PSMF1: variants seen among roughly 807,000 people sequenced by gnomAD.
The protein encoded by PSMF1 is proteasome inhibitor subunit 1.
PSMF1 carries 30 observed loss-of-function variants against 29.3 expected under a neutral mutation model. The ratio of observed to expected loss-of-function variants is 1.02; its 90% CI spans 0.77 to 1.39. The LOEUF is 1.39. PSMF1 is among the 40% of genes most tolerant of loss of function. The probability of loss-of-function intolerance (pLI) is 0.00; values close to 1 mark genes in which losing one functional copy is unlikely to be tolerated. For missense variants in PSMF1, 344 were observed against 357.5 expected (o/e 0.96, Z 0.31); for synonymous variants, 134 against 139.7 (o/e 0.96, Z 0.29).
intron 4 of PSMF1, among the ~76,000 whole-genome samples, chr20:1,141,229 G>T (rs1358713985): frequency 6.6e-6 from 1 of 152,158 alleles, no homozygotes; most frequent in Non-Finnish European, 1.5e-5. Context: ...TCTTTTTGGG[G>T]TGAAGAAAAT....
chr20:1,149,973 C>T (rs1291790430), intron 4 of PSMF1, among the ~76,000 whole-genome samples: 1 of 147,722 alleles, frequency 6.8e-6, no homozygotes, highest in African/African-American at 2.6e-5. Flanking sequence ...TGTGGTGAGC[C>T]ATGATCACAC....
At chr20:1,144,019 C>T (rs2086416740) in intron 4 of PSMF1, among the ~76,000 whole-genome samples, 2 of 152,038 alleles carry the variant, frequency 1.3e-5, no homozygotes, top group South Asian at 2.1e-4. Flanking sequence ...ACCCGGGAGG[C>T]GGAGGTTGCA....
chr20:1,171,509 A>G lies in PSMF1; in HGVS notation c.*6429A>G, dbSNP rs1340133294. Among the ~76,000 whole-genome samples the G allele has an allele frequency of 1.3e-5, 2 of 152,212 alleles. No individual in the cohort carries two copies. The highest frequency in any genetic ancestry group is 2.9e-5 in the Non-Finnish European group (2 of 68,042). The stretch of plus-strand genomic sequence containing the variant: ...TGACTTTCCCAAGGCCACACAGACC[A>G]CAAATCCTGGCTCCAAGTCCAGGGC... On this transcript the variant is annotated 3_prime_UTR_variant, in exon 7 of 7. Transcript: ENST00000335877.
intron 3 of PSMF1, among the ~76,000 whole-genome samples, chr20:1,130,726 C>T (rs1254996672): frequency 1.3e-5 from 2 of 152,140 alleles, no homozygotes; most frequent in East Asian, 1.9e-4. Context: ...GCCAAGCAGC[C>T]TCAACCTACT....
chr20:1,116,792 A>G (rs2122419391), upstream of PSMF1, among the ~76,000 whole-genome samples: 1 of 151,814 alleles, frequency 6.6e-6, no homozygotes, highest in East Asian at 1.9e-4. Context: ...AAAAAAAGCC[A>G]GAGAGGGATT....
At chr20:1,127,114 T>A (rs1229511729) in intron 2 of PSMF1, among the ~76,000 whole-genome samples, 3 of 152,198 alleles carry the variant, frequency 2.0e-5, no homozygotes, top group African/African-American at 7.2e-5. Flanking sequence ...TTGCTGGGTC[T>A]GCATCTCCGT....
At position 1,165,934 on chromosome 20, in the gene PSMF1, C is replaced by G; in HGVS notation, c.*854C>G. 10 of 1,347,394 alleles carry G rather than the reference C, an allele frequency of 7.4e-6. No individual in the cohort carries two copies. Among genetic ancestry groups the G allele is most frequent in the South Asian group, 1.7e-5 (1 of 58,410 alleles). The allele number at this position is 1,347,394 out of a possible 1,614,324, so 83.5% of individuals were successfully genotyped here. On this transcript the variant is annotated 3_prime_UTR_variant, in exon 7 of 7. Coordinates refer to ENST00000335877, the MANE Select transcript of PSMF1 (RefSeq NM_006814.5). ...CTCCTCTTAGGGCCTTGTGCCAAGC[C>G]TATGAAATTGGAGGTGGCTTTCCTG...
upstream of PSMF1, among the ~76,000 whole-genome samples, chr20:1,117,535 G>A (rs1001469868): frequency 5.3e-5 from 8 of 152,034 alleles, no homozygotes; most frequent in African/African-American, 1.9e-4. Context: ...GTAGAGACAG[G>A]GTTTCACCAT....
chr20:1,130,872 T>C (rs1242883202), intron 3 of PSMF1, among the ~76,000 whole-genome samples: 1 of 152,240 alleles, frequency 6.6e-6, no homozygotes, highest in Non-Finnish European at 1.5e-5. Context: ...ACATCATTTT[T>C]TAAGCATTTA....
chr20:1,156,038 T>G (rs2086590636), intron 4 of PSMF1, among the ~76,000 whole-genome samples: 1 of 152,118 alleles, frequency 6.6e-6, no homozygotes, highest in African/African-American at 2.4e-5. Context: ...AGTCTTGAAA[T>G]GAATGGAATG....
chr20:1,124,859 A>G (rs1283254724), intron 1 of PSMF1, among the ~76,000 whole-genome samples: 1 of 152,248 alleles, frequency 6.6e-6, no homozygotes, highest in Non-Finnish European at 1.5e-5. Context: ...ATATAACTCT[A>G]AGGAAAAGTA....
intron 3 of PSMF1, among the ~76,000 whole-genome samples, chr20:1,130,376 A>T (rs2086212980): frequency 1.3e-5 from 2 of 152,218 alleles, no homozygotes; most frequent in Non-Finnish European, 2.9e-5. Context: ...TGCTGTTAGG[A>T]TAAAGAGCAC....
intron 2 of PSMF1, 107 bp from the exon 3 acceptor site, chr20:1,127,319 C>A: frequency 1.2e-6 from 1 of 859,530 alleles, no homozygotes; most frequent in Non-Finnish European, 2.0e-6. Flanking sequence ...TCTCTGTGGA[C>A]ATATGTGAAT....
chr20:1,144,755 T>G (rs1008984345), intron 4 of PSMF1, among the ~76,000 whole-genome samples: 9 of 152,220 alleles, frequency 5.9e-5, no homozygotes, highest in African/African-American at 2.2e-4. Flanking sequence ...GATTAGTGGT[T>G]GCCAGGGGTT....
intron 4 of PSMF1, among the ~76,000 whole-genome samples, chr20:1,139,640 G>T (rs1426417747): frequency 6.6e-6 from 1 of 151,864 alleles, no homozygotes; most frequent in Non-Finnish European, 1.5e-5. Context: ...AGCTACTCAG[G>T]AGGCTGAGGC....
chr20:1,121,322 A>G (rs1377998337), intron 1 of PSMF1, among the ~76,000 whole-genome samples: 2 of 151,986 alleles, frequency 1.3e-5, no homozygotes, highest in South Asian at 2.1e-4. Flanking sequence ...CTACCCCAGC[A>G]CTAAATCTTG....
Position 1,166,173 on chromosome 20 carries a change from T to C in PSMF1, c.*1093T>C. 1.2e-6 allele frequency: 2 copies of C among 1,606,268 alleles called. No individual in the cohort carries two copies. The highest frequency in any genetic ancestry group is 2.2e-5 in the South Asian group (2 of 89,536). On this transcript the variant is annotated 3_prime_UTR_variant, in exon 7 of 7. Transcript: ENST00000335877. ...GAACTTCGGGAGGAGCAGGGAGCCC[T>C]GCACCTTGTGTCCTGGCCCACCTGA...
At chr20:1,161,211 G>T in intron 4 of PSMF1, 1 of 323,162 alleles carries the variant, frequency 3.1e-6, no homozygotes. Context: ...TGACATCAAG[G>T]AGAAGCAGTG....
At chr20:1,113,970 C>T (rs939849866), upstream of PSMF1, among the ~76,000 whole-genome samples, 8 of 152,120 alleles carry the variant, frequency 5.3e-5, no homozygotes, top group East Asian at 1.9e-4. Context: ...GGATTACAGG[C>T]GTGAGCCACC....
Sources: allele counts gnomAD v4.1 joint callset (sites outside exome capture counted in the v4.1 genomes callset), GRCh38; gene constraint gnomAD v4.1.1; transcripts MANE v1.5; gene names NCBI Gene and HGNC (gene_info 2026-07-23, HGNC 2026-07-21).